OR5M1: variants seen among roughly 807,000 people sequenced by gnomAD.
OR5M1 encodes olfactory receptor family 5 subfamily M member 1, also known as olfactory receptor 5M1.
For synonymous variants in OR5M1, 165 were observed against 144.2 expected (o/e 1.14, Z -1.04); for missense variants, 367 against 379.5 (o/e 0.97, Z 0.27).
Position 56,610,945 on chromosome 11 carries a change from A to T in OR5M1, c.*1610T>A, listed in dbSNP as rs1853669400. 6.6e-6 allele frequency: 1 copy of T among 152,142 alleles called. No homozygotes were observed. The highest frequency in any genetic ancestry group is 1.5e-5 in the Non-Finnish European group (1 of 68,004). 9.4% of individuals were successfully genotyped at this position (152,142 alleles called of 1,614,324 possible). A position where few individuals can be genotyped will look rare whatever the true frequency, so the allele number is the denominator to read the frequency against. On this transcript the variant is annotated 3_prime_UTR_variant, in exon 2 of 2. Transcript: ENST00000641076. ...GTACAGTTATTTAGGCCAAATATAG[A>T]GTATTTTTTGCACTCATTCTAAAAT...
chr11:56,612,276 A>AC lies in OR5M1; in HGVS notation c.*278dup, dbSNP rs1007012822. 3.5e-5 allele frequency: 7 copies of AC among 201,834 alleles called. No individual in the cohort carries two copies. The highest frequency in any genetic ancestry group is 3.3e-4 in the Admixed American group (6 of 18,340). 12.5% of individuals were successfully genotyped at this position (201,834 alleles called of 1,614,324 possible). A position where few individuals can be genotyped will look rare whatever the true frequency, so the allele number is the denominator to read the frequency against. On this transcript the variant is annotated 3_prime_UTR_variant, in exon 2 of 2. Coordinates refer to ENST00000641076, the MANE Select transcript of OR5M1 (RefSeq NM_001004740.2). ...GCCTAAGTTAGTTAAAAATTTACCC[A>AC]CCCCCCAAGTAAGTAAACATAGTAT...
At chr11:56,614,189 T>C (rs906224872) in intron 1 of OR5M1, among the ~76,000 whole-genome samples, 5 of 152,204 alleles carry the variant, frequency 3.3e-5, no homozygotes, top group African/African-American at 9.6e-5. Context: ...TTTCTTTCTG[T>C]TCCAATTCCT....
Position 56,609,890 on chromosome 11 carries a change from CATATGATCTAACTATTATATGACATTCAA to C in OR5M1, c.*2636_*2664del, listed in dbSNP as rs2134956119. 1 of 152,052 alleles carries C rather than the reference CATATGATCTAACTATTATATGACATTCAA, an allele frequency of 6.6e-6. No homozygotes were observed. The highest frequency in any genetic ancestry group is 1.5e-5 in the Non-Finnish European group (1 of 67,884). The allele number at this position is 152,052 out of a possible 1,614,324, so 9.4% of individuals were successfully genotyped here. ...ATATGTATTATTATTGTATTAAGGT[CATATGATCTAACTATTATATGACATTCAA>C]CATGATGTTCATCAGAAATATTTAA... On this transcript the variant is annotated 3_prime_UTR_variant, in exon 2 of 2. Transcript: ENST00000641076.
In OR5M1 at chr11:56,613,001, A is replaced by T. The variant is rs763183783; in HGVS notation, c.502T>A (p.Phe168Ile). ...TGATTGATTTCAAGGGAGCCACAGA[A>T]GGATAAGTGAAAGGTTAGCAGTGAC... Reference protein sequence around the residue: ...SQSLLTFHLSFCGSLEINHFY... With the variant: ...SQSLLTFHLSICGSLEINHFY... Residue 168 changes from phenylalanine (F) to isoleucine (I), a missense_variant, in exon 2 of 2, where the codon TTC (phenylalanine) becomes ATC (isoleucine). Phe to Ile is a conservative substitution (Grantham distance 21). Coordinates refer to ENST00000641076, the MANE Select transcript of OR5M1 (RefSeq NM_001004740.2). 1 of 1,613,888 alleles carries T rather than the reference A, an allele frequency of 6.2e-7. No individual in the cohort carries two copies. Among genetic ancestry groups the T allele is most frequent in the Admixed American group, 1.7e-5 (1 of 59,976 alleles).
chr11:56,610,047 G>T lies in OR5M1; in HGVS notation c.*2508C>A, dbSNP rs976215659. 3 of 151,836 alleles carry T rather than the reference G, an allele frequency of 2.0e-5. No individual in the cohort carries two copies. Among genetic ancestry groups the T allele is most frequent in the Non-Finnish European group, 4.4e-5 (3 of 67,896 alleles). 9.4% of individuals were successfully genotyped at this position (151,836 alleles called of 1,614,324 possible). ...CTTGATGCATTTTAGTAACATGTAC[G>T]CATATAAACTTATTGAGAAGAAATG... On this transcript the variant is annotated 3_prime_UTR_variant, in exon 2 of 2. Coordinates refer to ENST00000641076, the MANE Select transcript of OR5M1 (RefSeq NM_001004740.2).
chr11:56,614,447 G>T (rs1302646441), intron 1 of OR5M1, among the ~76,000 whole-genome samples: 1 of 152,106 alleles, frequency 6.6e-6, no homozygotes, highest in African/African-American at 2.4e-5. Context: ...TTTGGGGAAA[G>T]TGTGGATTTT....
chr11:56,614,382 A>G (rs1853719093), intron 1 of OR5M1, among the ~76,000 whole-genome samples: 1 of 152,318 alleles, frequency 6.6e-6, no homozygotes, highest in African/African-American at 2.4e-5. Flanking sequence ...ATGACCACTC[A>G]AAGAAGATCT....
rs753267326 is a variant in OR5M1, at chr11:56,613,366, A to T, written c.137T>A (p.Ile46Asn). The T allele has an allele frequency of 6.2e-7, 1 of 1,613,712 alleles. No homozygotes were observed. Among genetic ancestry groups the T allele is most frequent in the Non-Finnish European group, 8.5e-7 (1 of 1,179,668 alleles). The change falls in exon 2 of 2, where the codon ATC (isoleucine) becomes AAC (asparagine). Residue 46 changes from isoleucine to asparagine, a missense_variant. Physicochemically the swap from Ile to Asn is moderately radical, Grantham distance 149. Coordinates refer to ENST00000641076, the MANE Select transcript of OR5M1 (RefSeq NM_001004740.2). ...LITLAGNLCM[I>N]LLIRTNSHLQ... ...GTGGGAATTGGTCCTGATCAGCAGG[A>T]TCATGCACAGGTTGCCTGCCAGTGT...
chr11:56,613,065 AG>A lies in OR5M1; in HGVS notation c.437del (p.Thr146IlefsTer17), dbSNP rs1242039455. ...MSKNICVCLVTIPYMYGFLSG... is the reference protein window; with the variant it reads ...MSKNICVCLVXIPYMYGFLSG... Reference sequence around the variant, plus strand: ...TAAGAAACCCATACATGTAAGGGATAGTGACCAGACAGACACAGATGTTCTT... The same window carrying A: ...TAAGAAACCCATACATGTAAGGGATATGACCAGACAGACACAGATGTTCTT... On this transcript the variant is annotated frameshift_variant, in exon 2 of 2. Transcript: ENST00000641076. LOFTEE classifies it low-confidence loss of function (END_TRUNC). 2 of 1,608,480 alleles carry A rather than the reference AG, an allele frequency of 1.2e-6. No homozygotes were observed. The highest frequency in any genetic ancestry group is 2.7e-5 in the African/African-American group (2 of 74,622).
rs766350808 is a variant in OR5M1, at chr11:56,613,174, G to T, written c.329C>A (p.Thr110Asn). ...QCLLFIALVI[T>N]EFYILASMAL... ...CATTGAAGCAAGGATGTAAAACTCA[G>T]TGATCACCAGGGCGATGAAGAGAAG... The change falls in exon 2 of 2, where the codon ACT (threonine) becomes AAT (asparagine). Residue 110 changes from threonine (T) to asparagine (N), a missense_variant. Coordinates refer to ENST00000641076, the MANE Select transcript of OR5M1 (RefSeq NM_001004740.2). 1 of 1,613,882 alleles carries T rather than the reference G, an allele frequency of 6.2e-7. No homozygotes were observed. Among genetic ancestry groups the T allele is most frequent in the East Asian group, 2.2e-5 (1 of 44,878 alleles).
chr11:56,613,286 A>T lies in OR5M1; in HGVS notation c.217T>A (p.Tyr73Asn). The change falls in exon 2 of 2, where the codon TAT becomes AAT. Residue 73 changes from tyrosine to asparagine, a missense_variant. Tyr to Asn is a moderately radical substitution (Grantham distance 143). Coordinates refer to ENST00000641076, the MANE Select transcript of OR5M1 (RefSeq NM_001004740.2). ...ATATTTGGAGTAACATTGGAAGAAT[A>T]GCAAATGTCTACAAAGGAGAGGTGG... The part of the protein sequence containing the change: ...LGHLSFVDIC[Y>N]SSNVTPNMLH... The T allele has an allele frequency of 6.2e-7, 1 of 1,613,748 alleles. No individual in the cohort carries two copies. Among genetic ancestry groups the T allele is most frequent in the Non-Finnish European group, 8.5e-7 (1 of 1,179,692 alleles).
intron 1 of OR5M1, 149 bp from the exon 2 acceptor site, chr11:56,613,668 G>C: frequency 3.0e-6 from 2 of 666,274 alleles, no homozygotes; most frequent in Middle Eastern, 2.6e-4. Flanking sequence ...ACATAACATT[G>C]TCTCCCTATA....
At chr11:56,614,176 TCA>T (rs1202686496) in intron 1 of OR5M1, among the ~76,000 whole-genome samples, 1 of 152,202 alleles carries the variant, frequency 6.6e-6, no homozygotes, top group Admixed American at 6.5e-5. Flanking sequence ...CTGTATAGCT[TCA>T]TTTCTTTCTG....
rs552603543 is a variant in OR5M1 at position 56,610,334 on chromosome 11, T to C, written c.*2221A>G. On this transcript the variant is annotated 3_prime_UTR_variant, in exon 2 of 2. Transcript: ENST00000641076. ...TAACCGGAATTTTCAAGGGAAATTC[T>C]CATTAGCTATTCTTAGGATACATAT... 4.2e-4 allele frequency: 64 copies of C among 152,236 alleles called. No individual in the cohort carries two copies. The highest frequency in any genetic ancestry group is 1.4e-3 in the African/African-American group (59 of 41,584). The allele number at this position is 152,236 out of a possible 1,614,324, so 9.4% of individuals were successfully genotyped here.
At position 56,613,520 on chromosome 11, in the gene OR5M1, CTG is replaced by C. The variant is rs1853710175; in HGVS notation, c.-17-3_-17-2del. 6.3e-7 allele frequency: 1 copy of C among 1,595,800 alleles called. No individual in the cohort carries two copies. Among genetic ancestry groups the C allele is most frequent in the Non-Finnish European group, 8.6e-7 (1 of 1,165,800 alleles). On this transcript the variant is annotated splice_acceptor_variant and splice_polypyrimidine_tract_variant and intron_variant, in intron 1 of 1. Coordinates refer to ENST00000641076, the MANE Select transcript of OR5M1 (RefSeq NM_001004740.2). LOFTEE classifies it low-confidence loss of function (5UTR_SPLICE). ...GAGAACATCTTCTTATCTCTTGAAA[CTG>C]AAAGTGACAAAGAATGTGAGGATTT... is the stretch of plus-strand genomic sequence containing the variant.
Position 56,610,830 on chromosome 11 carries a change from GGTCA to G in OR5M1, c.*1721_*1724del, listed in dbSNP as rs1444252907. ...TTTTATTAAAAATCAATTAGAAACA[GGTCA>G]GTCATTTTGACTAAAAGGATGTCAA... On this transcript the variant is annotated 3_prime_UTR_variant, in exon 2 of 2. Coordinates refer to ENST00000641076, the MANE Select transcript of OR5M1 (RefSeq NM_001004740.2). 1 of 151,990 alleles carries G rather than the reference GGTCA, an allele frequency of 6.6e-6. No homozygotes were observed. The highest frequency in any genetic ancestry group is 1.5e-5 in the Non-Finnish European group (1 of 67,974). 9.4% of individuals were successfully genotyped at this position (151,990 alleles called of 1,614,324 possible).
rs538135744 is a variant in OR5M1 at position 56,612,848 on chromosome 11, G to C, written c.655C>G (p.Leu219Val). 5.4e-5 allele frequency: 87 copies of C among 1,613,758 alleles called. No individual in the cohort carries two copies. The East Asian group carries it at 1.9e-3, about 35-fold the overall frequency. Reference sequence around the variant, plus strand: ...CTGAAGATCGCTGCAAAAATGAAAAGATAGGACAGAAGAATGATGAAGAGA... The same window carrying C: ...CTGAAGATCGCTGCAAAAATGAAAACATAGGACAGAAGAATGATGAAGAGA... ...SSLFIILLSY[L>V]FIFAAIFRIR... The change falls in exon 2 of 2, where the codon CTT becomes GTT. Residue 219 changes from leucine (L) to valine (V), a missense_variant. Transcript: ENST00000641076.
chr11:56,610,085 A>T lies in OR5M1; in HGVS notation c.*2470T>A, dbSNP rs1156352024. 6.6e-6 allele frequency: 1 copy of T among 152,082 alleles called. No individual in the cohort carries two copies. Among genetic ancestry groups the T allele is most frequent in the African/African-American group, 2.4e-5 (1 of 41,460 alleles). 9.4% of individuals were successfully genotyped at this position (152,082 alleles called of 1,614,324 possible). On this transcript the variant is annotated 3_prime_UTR_variant, in exon 2 of 2. Coordinates refer to ENST00000641076, the MANE Select transcript of OR5M1 (RefSeq NM_001004740.2). ...TTGAGAAGAAATGTAACAAAATATAAAGAAAATGTATCCTTTGTCACAGGA... is the reference window on the plus strand; with the variant it reads ...TTGAGAAGAAATGTAACAAAATATATAGAAAATGTATCCTTTGTCACAGGA...
rs768950421 is a variant in OR5M1 at position 56,610,642 on chromosome 11, A to G, written c.*1913T>C. The G allele has an allele frequency of 4.6e-5, 7 of 152,154 alleles. No individual in the cohort carries two copies. The highest frequency in any genetic ancestry group is 2.1e-4 in the South Asian group (1 of 4,828). 9.4% of individuals were successfully genotyped at this position (152,154 alleles called of 1,614,324 possible). The stretch of plus-strand genomic sequence containing the variant: ...ATTTCATTTATGAAGATTAAAATAA[A>G]GTGTTCCTAAAATCAGCACTACACT... On this transcript the variant is annotated 3_prime_UTR_variant, in exon 2 of 2. Coordinates refer to ENST00000641076, the MANE Select transcript of OR5M1 (RefSeq NM_001004740.2).
Sources: allele counts gnomAD v4.1 joint callset (sites outside exome capture counted in the v4.1 genomes callset), GRCh38; gene constraint gnomAD v4.1.1; transcripts MANE v1.5; gene names NCBI Gene and HGNC (gene_info 2026-07-23, HGNC 2026-07-21).